The following SPATA16 variants were observed in gnomAD, a reference collection of about 807,000 sequenced individuals.
The protein encoded by SPATA16 is spermatogenesis-associated protein 16.
Under a neutral mutation model 63.3 loss-of-function variants are expected in SPATA16, and 36 were observed. The observed-to-expected ratio is 0.57, with a 90% confidence interval of 0.44 to 0.75. The LOEUF (loss-of-function observed/expected upper bound fraction) is 0.75, where lower values mean the gene tolerates loss of function less well. Among genes scored for constraint, SPATA16 ranks in the 30% least tolerant of loss-of-function variants. The pLI, the probability that SPATA16 is intolerant of heterozygous loss-of-function variation, is 0.00. For missense variants in SPATA16, 646 were observed against 679.3 expected (o/e 0.95, Z 0.54); for synonymous variants, 203 against 216.7 (o/e 0.94, Z 0.56).
Position 172,889,619 on chromosome 3 carries a change from C to T in SPATA16, c.1661G>A (p.Arg554Gln), listed in dbSNP as rs549390160. The T allele has an allele frequency of 4.8e-5, 78 of 1,613,784 alleles. No homozygotes were observed. The highest frequency in any genetic ancestry group is 8.8e-5 in the South Asian group (8 of 91,074). The change falls in exon 11 of 11, where the codon CGA becomes CAA. Residue 554 changes from arginine (R) to glutamine (Q), a missense_variant. Coordinates refer to ENST00000351008, the MANE Select transcript of SPATA16 (RefSeq NM_031955.6). ...TCGCTTCATTTTTGTTTTTTGCCTT[C>T]GAGCAGTTCTCAGTTTTTTAGTTTT... ...FLKTKKLRTA[R>Q]RQKTKMKRLQ...
intron 6 of SPATA16, among the ~76,000 whole-genome samples, chr3:172,956,232 G>T (rs1333485410): frequency 1.3e-5 from 2 of 152,048 alleles, no homozygotes; most frequent in Non-Finnish European, 2.9e-5. Context: ...ATCTCATTTG[G>T]ATACCAGTGA....
chr3:173,083,595 A>G (rs1175242827), intron 2 of SPATA16, among the ~76,000 whole-genome samples: 1 of 152,038 alleles, frequency 6.6e-6, no homozygotes, highest in Admixed American at 6.6e-5. Flanking sequence ...CCCATCTCCT[A>G]GGTATTAAGT....
intron 10 of SPATA16, among the ~76,000 whole-genome samples, chr3:172,910,824 T>A (rs1202019272): frequency 6.6e-6 from 1 of 152,252 alleles, no homozygotes; most frequent in African/African-American, 2.4e-5. Flanking sequence ...TGCCAATGAC[T>A]AAGAAATATC....
intron 2 of SPATA16, among the ~76,000 whole-genome samples, chr3:173,052,101 G>A (rs7624277): frequency 3.3e-5 from 5 of 152,132 alleles, no homozygotes; most frequent in African/African-American, 4.8e-5. Flanking sequence ...GTGAGCCACC[G>A]TGGGATAATG....
intron 10 of SPATA16, among the ~76,000 whole-genome samples, chr3:172,896,457 G>A (rs571130936): frequency 6.6e-6 from 1 of 152,104 alleles, no homozygotes; most frequent in African/African-American, 2.4e-5. Flanking sequence ...TCCTGACTTC[G>A]TGATCCGCCT....
chr3:172,907,276 C>A (rs1252697595), intron 10 of SPATA16, among the ~76,000 whole-genome samples: 1 of 152,180 alleles, frequency 6.6e-6, no homozygotes, highest in Non-Finnish European at 1.5e-5. Flanking sequence ...ATACTAGTCT[C>A]CCTCTAAATC....
chr3:173,102,517 G>A (rs1317436113), intron 2 of SPATA16, among the ~76,000 whole-genome samples: 1 of 152,160 alleles, frequency 6.6e-6, no homozygotes, highest in Non-Finnish European at 1.5e-5. Context: ...AGAGCAGTTG[G>A]TGGGGGAAAC....
intron 1 of SPATA16, among the ~76,000 whole-genome samples, chr3:173,126,527 C>G (rs930489746): frequency 6.6e-6 from 1 of 152,144 alleles, no homozygotes; most frequent in Non-Finnish European, 1.5e-5. Context: ...TTTCTATTTA[C>G]GTAAGAGGCT....
intron 1 of SPATA16, among the ~76,000 whole-genome samples, chr3:173,138,076 T>G (rs548503452): frequency 6.6e-6 from 1 of 152,262 alleles, no homozygotes; most frequent in Admixed American, 6.5e-5. Flanking sequence ...TTCTAACAAG[T>G]TAAATGCATA....
At chr3:172,994,729 T>C (rs1734658452) in intron 4 of SPATA16, among the ~76,000 whole-genome samples, 1 of 152,192 alleles carries the variant, frequency 6.6e-6, no homozygotes, top group African/African-American at 2.4e-5. Context: ...ATACTGCACA[T>C]ACAGTTAACT....
chr3:173,104,631 A>G (rs1426997198), intron 2 of SPATA16, among the ~76,000 whole-genome samples: 2 of 152,114 alleles, frequency 1.3e-5, no homozygotes, highest in Non-Finnish European at 2.9e-5. Context: ...TGAGGACAAC[A>G]CCAAGCCATG....
chr3:173,005,685 C>T (rs552264844), intron 4 of SPATA16, among the ~76,000 whole-genome samples: 1 of 152,266 alleles, frequency 6.6e-6, no homozygotes, highest in South Asian at 2.1e-4. Context: ...AACATCAATG[C>T]AGGATGGAGA....
intron 2 of SPATA16, among the ~76,000 whole-genome samples, chr3:173,113,949 G>A (rs1015379146): frequency 3.3e-5 from 5 of 152,270 alleles, no homozygotes; most frequent in Non-Finnish European, 7.4e-5. Context: ...GGAGGCCGAG[G>A]TGGGTGGATC....
chr3:172,905,028 T>A (rs73882524), intron 10 of SPATA16, among the ~76,000 whole-genome samples: 5,021 of 151,948 alleles, frequency 0.033, 287 homozygotes, highest in African/African-American at 0.12. Flanking sequence ...TCCCTGCTTG[T>A]CCTAGGAAAC....
intron 4 of SPATA16, among the ~76,000 whole-genome samples, chr3:173,000,616 T>C (rs2108265651): frequency 6.6e-6 from 1 of 152,282 alleles, no homozygotes; most frequent in South Asian, 2.1e-4. Context: ...ACTTCAAATA[T>C]TGCTTCTGCT....
At chr3:173,083,380 C>T (rs2108314700) in intron 2 of SPATA16, among the ~76,000 whole-genome samples, 1 of 151,832 alleles carries the variant, frequency 6.6e-6, no homozygotes, top group East Asian at 1.9e-4. Context: ...TACTATTAAG[C>T]CAATGAAATA....
intron 8 of SPATA16, among the ~76,000 whole-genome samples, chr3:172,923,773 C>A (rs1273201203): frequency 6.6e-6 from 1 of 152,136 alleles, no homozygotes; most frequent in African/African-American, 2.4e-5. Context: ...GAGAAGCATC[C>A]AATTCATCAG....
chr3:173,128,689 A>G lies in SPATA16; in HGVS notation c.-18-10940T>C, dbSNP rs548002936. ...TATTAGTAAAAAACAATACTGTCAT[A>G]AAATGAATTTTAAAAATGTTTAACA... On this transcript the variant is annotated intron_variant, in intron 1 of 10. Coordinates refer to ENST00000351008, the MANE Select transcript of SPATA16 (RefSeq NM_031955.6). Among the ~76,000 whole-genome samples the G allele has an allele frequency of 7.2e-5, 11 of 152,372 alleles. No homozygotes were observed. In the East Asian group the frequency reaches 1.9e-3, roughly 27 times the overall value.
At chr3:173,062,222 A>C (rs1439503232) in intron 2 of SPATA16, among the ~76,000 whole-genome samples, 4 of 152,286 alleles carry the variant, frequency 2.6e-5, no homozygotes, top group Admixed American at 6.5e-5. Context: ...ACTAAATTCC[A>C]GTTACCTAAT....
Sources: gnomAD v4.1 joint callset for allele counts (sites outside exome capture counted in the v4.1 genomes callset) on GRCh38, gnomAD v4.1.1 for gene constraint, MANE v1.5 for transcripts, NCBI Gene and HGNC (gene_info 2026-07-23, HGNC 2026-07-21) for gene names.